CDC42BPA: variants seen among roughly 807,000 people sequenced by gnomAD.
CDC42BPA encodes the protein serine/threonine-protein kinase MRCK alpha.
Under a neutral mutation model 223.5 loss-of-function variants are expected in CDC42BPA, and 80 were observed. The observed-to-expected ratio is 0.36, with a 90% CI of 0.30 to 0.43. The LOEUF (loss-of-function observed/expected upper bound fraction) is 0.43, where lower values mean the gene tolerates loss of function less well. CDC42BPA is among the 20% of genes least tolerant of loss of function. CDC42BPA has a pLI of 1.00. For synonymous variants in CDC42BPA, 694 were observed against 718.6 expected (o/e 0.97, Z 0.55); for missense variants, 1,743 against 2,099.9 (o/e 0.83, Z 3.32).
intron 1 of CDC42BPA, among the ~76,000 whole-genome samples, chr1:227,314,970 G>A (rs2148847952): frequency 6.6e-6 from 1 of 151,992 alleles, no homozygotes; most frequent in South Asian, 2.1e-4. Context: ...ATATTGTTAA[G>A]TAATTAAAAT....
At chr1:227,191,934 C>T (rs990930029) in intron 5 of CDC42BPA, among the ~76,000 whole-genome samples, 3 of 149,114 alleles carry the variant, frequency 2.0e-5, no homozygotes, top group Admixed American at 6.7e-5. Context: ...GCCTGAGCAA[C>T]ACAGTGAGAC....
At chr1:227,160,236 T>G (rs1558642168) in intron 6 of CDC42BPA, among the ~76,000 whole-genome samples, 2 of 152,330 alleles carry the variant, frequency 1.3e-5, no homozygotes. Context: ...TTACCCCCGG[T>G]GAACTTTGAA....
intron 2 of CDC42BPA, among the ~76,000 whole-genome samples, chr1:227,217,307 TGTG>T (rs1370479527): frequency 6.6e-6 from 1 of 151,374 alleles, no homozygotes; most frequent in Non-Finnish European, 1.5e-5. Context: ...ATTGGCTGGG[TGTG>T]GTGGCGGGCG....
At chr1:227,033,521 C>G (rs11586734) in intron 26 of CDC42BPA, 106 bp from the exon 27 acceptor site, 110,066 of 640,016 alleles carry the variant, frequency 0.17, 11,091 homozygotes, top group South Asian at 0.31. Context: ...GCACCAAACA[C>G]CCAAATTTAA....
intron 34 of CDC42BPA, among the ~76,000 whole-genome samples, chr1:227,012,446 G>A (rs1665407464): frequency 6.7e-6 from 1 of 148,672 alleles, no homozygotes; most frequent in African/African-American, 2.4e-5. Context: ...TCTGATAGAG[G>A]AATATGACTC....
intron 16 of CDC42BPA, among the ~76,000 whole-genome samples, chr1:227,091,007 T>C (rs1682969441): frequency 1.3e-5 from 2 of 152,186 alleles, no homozygotes; most frequent in Non-Finnish European, 2.9e-5. Context: ...GTATGCAAGC[T>C]AGAAATCAGG....
At chr1:227,013,415 TGGAA>T (rs1448645614) in intron 34 of CDC42BPA, among the ~76,000 whole-genome samples, 1 of 151,386 alleles carries the variant, frequency 6.6e-6, no homozygotes, top group Non-Finnish European at 1.5e-5. Context: ...CTTAAAGTGG[TGGAA>T]GGAAGAGGGA....
At chr1:227,168,849 T>C (rs1437709730) in intron 5 of CDC42BPA, among the ~76,000 whole-genome samples, 1 of 152,128 alleles carries the variant, frequency 6.6e-6, no homozygotes, top group African/African-American at 2.4e-5. Context: ...TTTCATCAAA[T>C]TTGAGGCCAT....
rs545116937 is a variant in CDC42BPA, at chr1:227,054,008, C to T, written c.2905-2023G>A. Among the ~76,000 whole-genome samples the T allele has an allele frequency of 2.0e-5, 3 of 152,162 alleles. No individual in the cohort carries two copies. The South Asian group carries it at 6.2e-4, about 32-fold the overall frequency. The stretch of plus-strand genomic sequence containing the variant: ...CAAAGCAGAATTGATACATTTTATA[C>T]CAGTAAGAACTTAAAACTGACTGAA... On this transcript the variant is annotated intron_variant, in intron 21 of 36. Transcript: ENST00000366766.
chr1:227,260,627 G>A (rs1398861), intron 1 of CDC42BPA, among the ~76,000 whole-genome samples: 43,491 of 150,856 alleles, frequency 0.29, 7,014 homozygotes, highest in East Asian at 0.37. Context: ...GATGAGAAAT[G>A]AAGACAGAGT....
intron 1 of CDC42BPA, among the ~76,000 whole-genome samples, chr1:227,259,215 C>T (rs1683624086): frequency 6.6e-6 from 1 of 150,832 alleles, no homozygotes; most frequent in Non-Finnish European, 1.5e-5. Context: ...ATTTAACTGG[C>T]CAGTGTTAAC....
chr1:227,264,935 T>C (rs1684727220), intron 1 of CDC42BPA: 1 of 1,138,824 alleles, frequency 8.8e-7, no homozygotes, highest in Non-Finnish European at 1.3e-6. Context: ...CTCGGTATAT[T>C]CATGGATTAT....
At position 227,032,283 on chromosome 1, in the gene CDC42BPA, A is replaced by G. The variant is rs182543252; in HGVS notation, c.3559-769T>C. ...CTCACACTATGAAAATCAGTTATAG[A>G]TAAGTGGGCCTCTGTAGGCTCCCTT... On this transcript the variant is annotated intron_variant, in intron 27 of 36. Transcript: ENST00000366766. Among the ~76,000 whole-genome samples, 24 of 152,348 alleles carry G rather than the reference A, an allele frequency of 1.6e-4. No homozygotes were observed. In the East Asian group the frequency reaches 2.7e-3, roughly 17 times the overall value.
intron 12 of CDC42BPA, among the ~76,000 whole-genome samples, chr1:227,117,560 C>T (rs1687958457): frequency 6.6e-6 from 1 of 152,130 alleles, no homozygotes; most frequent in Admixed American, 6.6e-5. Context: ...AGTGATCCTC[C>T]TGCCTCAGCC....
In CDC42BPA at chr1:227,317,049, G is replaced by A. The variant is rs748385715; in HGVS notation, c.134C>T (p.Ser45Phe). ...AATGTTCTTCTCTCTTCTCAATGGA[G>A]AATTATTGCATTCATCATAAAGGCA... ...LICLYDECNN[S>F]PLRREKNILE... Residue 45 changes from serine (S) to phenylalanine (F), a missense_variant, in exon 1 of 37, where the codon TCT (serine) becomes TTT (phenylalanine). Transcript: ENST00000366766. The A allele has an allele frequency of 1.2e-6, 2 of 1,613,712 alleles. No homozygotes were observed. Among genetic ancestry groups the A allele is most frequent in the Non-Finnish European group, 1.7e-6 (2 of 1,179,710 alleles).
chr1:227,187,144 A>G (rs933261486), intron 5 of CDC42BPA, among the ~76,000 whole-genome samples: 1 of 152,222 alleles, frequency 6.6e-6, no homozygotes, highest in Non-Finnish European at 1.5e-5. Context: ...CTGTCTTTCA[A>G]CAAAAAATTA....
rs1268432896 is a variant in CDC42BPA, at chr1:226,994,783, C to T, written c.5133+40G>A. ...GGATTGCCTGGGAAGATGCCCTAGT[C>T]TTTCTGATACATGACGTCTCCGGAA... On this transcript the variant is annotated intron_variant, in intron 36 of 36. Transcript: ENST00000366766. This position sits in a 1 kb window ranked among gnomAD's most constrained non-coding sequence, Gnocchi z 4.0. 3.8e-6 allele frequency: 6 copies of T among 1,563,198 alleles called. No individual in the cohort carries two copies. Among genetic ancestry groups the T allele is most frequent in the Non-Finnish European group, 4.3e-6 (5 of 1,152,514 alleles).
intron 34 of CDC42BPA, 94 bp downstream of exon 34, chr1:227,015,986 C>T (rs1343258531): frequency 1.4e-6 from 1 of 702,938 alleles, no homozygotes. Context: ...ATTACTTTCA[C>T]ATATCCTTTG....
intron 16 of CDC42BPA, among the ~76,000 whole-genome samples, chr1:227,088,169 G>A (rs1682353477): frequency 6.6e-6 from 1 of 152,186 alleles, no homozygotes; most frequent in African/African-American, 2.4e-5. Flanking sequence ...GATTGGGAAA[G>A]TAGTTTAACC....
Sources: allele counts gnomAD v4.1 joint callset (sites outside exome capture counted in the v4.1 genomes callset), GRCh38; gene constraint gnomAD v4.1.1; non-coding constraint Gnocchi (gnomAD v3.1); transcripts MANE v1.5; gene names NCBI Gene and HGNC (gene_info 2026-07-23, HGNC 2026-07-21).